ALDH1L1: variants seen among roughly 807,000 people sequenced by gnomAD.
ALDH1L1 encodes the protein aldehyde dehydrogenase 1 family member L1.
Under a neutral mutation model 101.1 loss-of-function variants are expected in ALDH1L1, and 68 were observed. The observed-to-expected ratio is 0.67, with a 90% confidence interval of 0.55 to 0.82. The LOEUF (loss-of-function observed/expected upper bound fraction) is 0.82. Among genes scored for constraint, ALDH1L1 ranks in the 40% least tolerant of loss-of-function variants. ALDH1L1 has a pLI of 0.00. For missense variants in ALDH1L1, 1,087 were observed against 1,172.7 expected, an observed-to-expected ratio of 0.93 and a Z score of 1.07; for synonymous variants, 486 against 470.8, an observed-to-expected ratio of 1.03 and a Z score of -0.42.
rs137871405 is a variant in ALDH1L1, at chr3:126,136,720, G to A, written c.1344+44C>T. On this transcript the variant is annotated intron_variant, in intron 11 of 22. Transcript: ENST00000393434. ...AGTGGGGGCAGGGAAGGAAGGACAG[G>A]GAGGCTGGGGAATGTGGAGAAGGGG... 7 of 1,552,392 alleles carry A rather than the reference G, an allele frequency of 4.5e-6. No individual in the cohort carries two copies. In the African/African-American group the frequency reaches 8.2e-5, roughly 18 times the overall value.
chr3:126,146,976 A>G, intron 8 of ALDH1L1, 50 bp from the exon 9 acceptor site: 1 of 1,566,068 alleles, frequency 6.4e-7, no homozygotes, highest in Non-Finnish European at 8.7e-7. Context: ...GCTGGGGACA[A>G]GTGCCACTCC....
At chr3:126,119,400 A>T (rs1031413126) in intron 16 of ALDH1L1, among the ~76,000 whole-genome samples, 2 of 152,206 alleles carry the variant, frequency 1.3e-5, no homozygotes, top group Non-Finnish European at 2.9e-5. Flanking sequence ...CCATTTCAGT[A>T]AACAACTTCT....
intron 1 of ALDH1L1, 102 bp from the exon 2 acceptor site, chr3:126,161,104 C>T (rs2081040729): frequency 1.5e-6 from 2 of 1,367,546 alleles, no homozygotes; most frequent in African/African-American, 1.4e-5. Context: ...CCTGCTCTAC[C>T]CCAGTCCCCT....
chr3:126,182,681 G>A (rs2081487399), upstream of ALDH1L1, among the ~76,000 whole-genome samples: 1 of 152,136 alleles, frequency 6.6e-6, no homozygotes, highest in Non-Finnish European at 1.5e-5. Flanking sequence ...AGGCAGATGG[G>A]CGACAGGAAC....
chr3:126,106,015 T>C, intron 21 of ALDH1L1, 90 bp from the exon 22 acceptor site: 5 of 1,299,114 alleles, frequency 3.8e-6, no homozygotes, highest in Non-Finnish European at 5.3e-6. Context: ...ACACCCCAGC[T>C]GCATAAGACC....
intron 19 of ALDH1L1, 152 bp from the exon 20 acceptor site, chr3:126,110,261 C>T (rs1457556730): frequency 2.0e-6 from 2 of 1,017,256 alleles, no homozygotes; most frequent in East Asian, 2.6e-5. Context: ...CTAAATCCAC[C>T]TTCCAGGCTG....
chr3:126,146,237 T>C (rs1351188765), intron 9 of ALDH1L1, among the ~76,000 whole-genome samples: 3 of 152,182 alleles, frequency 2.0e-5, no homozygotes, highest in African/African-American at 7.2e-5. Context: ...TGACTCATTT[T>C]GGCCAACAGA....
rs2080784451 is a variant in ALDH1L1 at position 126,150,403 on chromosome 3, T to G, written c.984+3A>C. On this transcript the variant is annotated splice_donor_region_variant and intron_variant, in intron 8 of 22. Coordinates refer to ENST00000393434, the MANE Select transcript of ALDH1L1 (RefSeq NM_012190.4). ...GGATGGCAGCCCTGAAGTTGCCTCT[T>G]ACCCGCACAGCCTCCGCAGTAACCA... 6.4e-7 allele frequency: 1 copy of G among 1,550,716 alleles called. No homozygotes were observed. Among genetic ancestry groups the G allele is most frequent in the Non-Finnish European group, 8.7e-7 (1 of 1,146,666 alleles).
At chr3:126,191,245 T>C (rs949758194) in intron 1 of ALDH1L1, among the ~76,000 whole-genome samples, 2 of 152,214 alleles carry the variant, frequency 1.3e-5, no homozygotes, top group African/African-American at 4.8e-5. Flanking sequence ...TGGAATTTAA[T>C]AAATTTTCCA....
chr3:126,160,581 C>T, intron 2 of ALDH1L1: 1 of 426,082 alleles, frequency 2.3e-6, no homozygotes, highest in East Asian at 4.2e-5. Context: ...CTGTGTGGGA[C>T]CTGGGACCAG....
chr3:126,158,159 G>A (rs1219226209), intron 3 of ALDH1L1, among the ~76,000 whole-genome samples: 1 of 152,156 alleles, frequency 6.6e-6, no homozygotes, highest in Non-Finnish European at 1.5e-5. Context: ...GACAGTGCCA[G>A]CTTCTCCAAT....
intron 2 of ALDH1L1, chr3:126,159,406 G>T (rs777755023): frequency 2.2e-6 from 1 of 456,496 alleles, no homozygotes; most frequent in Non-Finnish European, 4.4e-6. Context: ...TCCTGCAGTC[G>T]CTGTCCCCAA....
At chr3:126,108,294 G>T (rs1339149798) in intron 20 of ALDH1L1, among the ~76,000 whole-genome samples, 1 of 152,188 alleles carries the variant, frequency 6.6e-6, no homozygotes, top group Non-Finnish European at 1.5e-5. Context: ...CCACCAGAAG[G>T]CAGCCCCATC....
At chr3:126,193,677 T>G (rs937592382) in intron 1 of ALDH1L1, among the ~76,000 whole-genome samples, 1 of 152,228 alleles carries the variant, frequency 6.6e-6, no homozygotes, top group African/African-American at 2.4e-5. Flanking sequence ...CAGAGTTATA[T>G]TCTCTTGAAT....
upstream of ALDH1L1, among the ~76,000 whole-genome samples, chr3:126,182,651 C>T (rs1049289304): frequency 2.0e-5 from 3 of 152,028 alleles, no homozygotes; most frequent in Admixed American, 6.6e-5. Flanking sequence ...GTGTTCTGAA[C>T]TTGGGAGTTA....
chr3:126,183,724 G>C, upstream of ALDH1L1, among the ~76,000 whole-genome samples: 1 of 152,196 alleles, frequency 6.6e-6, no homozygotes, highest in Non-Finnish European at 1.5e-5. Context: ...GTGCAGGGGG[G>C]AGGCGCAGTT....
intron 9 of ALDH1L1, among the ~76,000 whole-genome samples, chr3:126,143,168 G>A (rs956517463): frequency 6.6e-6 from 1 of 152,238 alleles, no homozygotes; most frequent in East Asian, 1.9e-4. Context: ...GTGAAAAACA[G>A]AATTTTGTAA....
intron 1 of ALDH1L1, among the ~76,000 whole-genome samples, chr3:126,186,737 C>G (rs2081520908): frequency 6.6e-6 from 1 of 152,192 alleles, no homozygotes; most frequent in Admixed American, 6.5e-5. Context: ...AGGTCAGACT[C>G]CAAGCACCAG....
intron 18 of ALDH1L1, among the ~76,000 whole-genome samples, chr3:126,113,927 T>A (rs778953128): frequency 1.3e-5 from 2 of 152,200 alleles, no homozygotes; most frequent in East Asian, 3.8e-4. Flanking sequence ...GGTATCACCA[T>A]GGTCCCTATC....
Sources: gnomAD v4.1 joint callset for allele counts (sites outside exome capture counted in the v4.1 genomes callset) on GRCh38, gnomAD v4.1.1 for gene constraint, MANE v1.5 for transcripts, NCBI Gene and HGNC (gene_info 2026-07-23, HGNC 2026-07-21) for gene names.